The following KIF16B variants were observed in gnomAD, a reference collection of about 807,000 sequenced individuals.
The protein encoded by KIF16B is kinesin family member 16B.
A neutral mutation model predicts 156.3 loss-of-function variants in KIF16B; 98 were observed. The ratio of observed to expected loss-of-function variants is 0.63; its 90% confidence interval spans 0.53 to 0.74. The LOEUF is 0.74. Ranked by LOEUF, KIF16B falls within the 30% of genes least tolerant of loss-of-function variation. The probability of loss-of-function intolerance (pLI) is 0.00; values close to 1 mark genes in which losing one functional copy is unlikely to be tolerated. For synonymous variants in KIF16B, 564 were observed against 583.7 expected (o/e 0.97, Z 0.49); for missense variants, 1,421 against 1,606.5 (o/e 0.88, Z 1.97).
At chr20:16,341,222 A>G (rs2123011286) in intron 23 of KIF16B, among the ~76,000 whole-genome samples, 1 of 152,272 alleles carries the variant, frequency 6.6e-6, no homozygotes, top group South Asian at 2.1e-4. Flanking sequence ...GCCAAACCAC[A>G]TTTTCTCATC....
intron 23 of KIF16B, among the ~76,000 whole-genome samples, chr20:16,354,979 C>T (rs917720331): frequency 5.3e-5 from 8 of 151,270 alleles, no homozygotes; most frequent in Non-Finnish European, 1.0e-4. Context: ...AACACACAGG[C>T]ATCATGCTTT....
At chr20:16,478,219 T>C (rs2146814995) in intron 12 of KIF16B, among the ~76,000 whole-genome samples, 1 of 152,242 alleles carries the variant, frequency 6.6e-6, no homozygotes, top group East Asian at 1.9e-4. Flanking sequence ...CAGAAAATTT[T>C]TTCCATACCT....
chr20:16,352,548 C>A (rs560100264), intron 23 of KIF16B, among the ~76,000 whole-genome samples: 103 of 152,314 alleles, frequency 6.8e-4, no homozygotes, highest in Non-Finnish European at 1.2e-3. Flanking sequence ...CTTGAAATCA[C>A]ACGCCCTGTG....
intron 14 of KIF16B, among the ~76,000 whole-genome samples, chr20:16,427,859 C>A (rs1303343874): frequency 6.6e-6 from 1 of 152,130 alleles, no homozygotes; most frequent in African/African-American, 2.4e-5. Flanking sequence ...CTCCTAGATT[C>A]TTGTTTGAAG....
At chr20:16,429,324 T>C (rs191614701) in intron 13 of KIF16B, among the ~76,000 whole-genome samples, 167 of 152,352 alleles carry the variant, frequency 1.1e-3, no homozygotes, top group African/African-American at 3.9e-3. Flanking sequence ...TCTAAAGATA[T>C]AGTTTATGTA....
At chr20:16,426,095 C>T (rs960493858) in intron 15 of KIF16B, among the ~76,000 whole-genome samples, 2 of 152,162 alleles carry the variant, frequency 1.3e-5, no homozygotes, top group Non-Finnish European at 2.9e-5. Flanking sequence ...AATCACCTCC[C>T]ACCAGGTCCC....
intron 23 of KIF16B, among the ~76,000 whole-genome samples, chr20:16,346,243 A>G (rs1600178781): frequency 6.6e-6 from 1 of 152,230 alleles, no homozygotes; most frequent in East Asian, 1.9e-4. Flanking sequence ...ACATTGCACA[A>G]GGAAAGGGCA....
At chr20:16,536,446 TAAC>T (rs767262556) in intron 1 of KIF16B, among the ~76,000 whole-genome samples, 7 of 152,160 alleles carry the variant, frequency 4.6e-5, no homozygotes, top group East Asian at 1.9e-4. Context: ...TGACTACAGT[TAAC>T]AACAATGTAT....
chr20:16,273,500 A>G (rs1283323787), intron 25 of KIF16B, 89 bp from the exon 26 acceptor site: 3 of 1,035,926 alleles, frequency 2.9e-6, no homozygotes, highest in Non-Finnish European at 4.5e-6. Flanking sequence ...AGACCAGTCC[A>G]GGCAACATGG....
intron 23 of KIF16B, among the ~76,000 whole-genome samples, chr20:16,342,366 C>A (rs1015516622): frequency 6.6e-6 from 1 of 152,044 alleles, no homozygotes; most frequent in Non-Finnish European, 1.5e-5. Context: ...TGAGCTCCTA[C>A]CACGTGCCTG....
At chr20:16,430,947 A>C (rs1280183928) in intron 12 of KIF16B, among the ~76,000 whole-genome samples, 1 of 148,274 alleles carries the variant, frequency 6.7e-6, no homozygotes, top group Non-Finnish European at 1.5e-5. Context: ...AACAAAAAAC[A>C]AAAAACAAAA....
At position 16,468,294 on chromosome 20, in the gene KIF16B, G is replaced by A. The variant is rs538496609; in HGVS notation, c.1302+25997C>T. Among the ~76,000 whole-genome samples the A allele has an allele frequency of 5.3e-5, 8 of 152,246 alleles. No homozygotes were observed. In the East Asian group the frequency reaches 7.7e-4, roughly 15 times the overall value. On this transcript the variant is annotated intron_variant, in intron 12 of 25. Coordinates refer to ENST00000354981, the MANE Select transcript of KIF16B (RefSeq NM_024704.5). Reference sequence around the variant, plus strand: ...CAGATAAAAGGGAAAATTATAGGCCGGGCGCAGTGGCTCTTGTCTGTAATC... The same window carrying A: ...CAGATAAAAGGGAAAATTATAGGCCAGGCGCAGTGGCTCTTGTCTGTAATC...
At chr20:16,346,284 G>A (rs1318564519) in intron 23 of KIF16B, among the ~76,000 whole-genome samples, 1 of 152,246 alleles carries the variant, frequency 6.6e-6, no homozygotes, top group African/African-American at 2.4e-5. Context: ...CTGCCCGTCT[G>A]TGGGTAACAC....
chr20:16,421,949 C>T (rs1052894331), intron 15 of KIF16B, among the ~76,000 whole-genome samples: 2 of 151,956 alleles, frequency 1.3e-5, no homozygotes, highest in Non-Finnish European at 2.9e-5. Context: ...ACCTTCAATG[C>T]CAATTAGTAC....
rs1178191263 is a variant in KIF16B, at chr20:16,521,840, T to C, written c.231+4252A>G. The stretch of plus-strand genomic sequence containing the variant: ...TGAATCTCTCAGCAGAAACCCTACG[T>C]GCCAGAAGAGATTGGGGGCCAATAT... On this transcript the variant is annotated intron_variant, in intron 3 of 25. Transcript: ENST00000354981. 2.0e-5 allele frequency among the ~76,000 whole-genome samples: 3 copies of C among 152,172 alleles called. No homozygotes were observed. The East Asian group carries it at 5.8e-4, about 29-fold the overall frequency.
chr20:16,425,180 A>C lies in KIF16B; in HGVS notation c.1612+1924T>G, dbSNP rs550583378. Among the ~76,000 whole-genome samples the C allele has an allele frequency of 9.2e-4, 140 of 152,278 alleles. 1 individual carries two copies. The highest frequency in any genetic ancestry group is 1.8e-3 in the Non-Finnish European group (122 of 68,004). On this transcript the variant is annotated intron_variant, in intron 15 of 25. Transcript: ENST00000354981. Reference sequence around the variant, plus strand: ...AATTGGTTAGTTTGAGGAAAGCACAAGATGAGTCTGGAATATCTTGTGTCA... The same window carrying C: ...AATTGGTTAGTTTGAGGAAAGCACACGATGAGTCTGGAATATCTTGTGTCA...
intron 12 of KIF16B, among the ~76,000 whole-genome samples, chr20:16,435,175 A>G (rs1379414961): frequency 6.6e-6 from 1 of 152,104 alleles, no homozygotes; most frequent in Non-Finnish European, 1.5e-5. Context: ...GTGCATATAC[A>G]TTTTTCATAA....
At chr20:16,453,789 A>G (rs911255270) in intron 12 of KIF16B, among the ~76,000 whole-genome samples, 7 of 152,240 alleles carry the variant, frequency 4.6e-5, no homozygotes, top group Non-Finnish European at 7.3e-5. Context: ...TCAGACCAGC[A>G]AAATTTTTAG....
intron 15 of KIF16B, among the ~76,000 whole-genome samples, chr20:16,412,565 A>T (rs2065984856): frequency 6.6e-6 from 1 of 152,172 alleles, no homozygotes; most frequent in Non-Finnish European, 1.5e-5. Context: ...GTGGAAGGGG[A>T]AGCAAACATG....
Sources: gnomAD v4.1 joint callset for allele counts (sites outside exome capture counted in the v4.1 genomes callset) on GRCh38, gnomAD v4.1.1 for gene constraint, MANE v1.5 for transcripts, NCBI Gene and HGNC (gene_info 2026-07-23, HGNC 2026-07-21) for gene names.